The following NOVA1 variants were observed in gnomAD, a reference collection of about 807,000 sequenced individuals.
NOVA1 encodes the protein NOVA alternative splicing regulator 1, also known as RNA-binding protein Nova-1.
Under a neutral mutation model 38.0 loss-of-function variants are expected in NOVA1, and 7 were observed. The observed-to-expected ratio is 0.18, with a 90% CI of 0.10 to 0.35. The LOEUF is 0.35. NOVA1 is among the 10% of genes least tolerant of loss of function. The pLI, the probability that NOVA1 is intolerant of heterozygous loss-of-function variation, is 1.00. For synonymous variants in NOVA1, 270 were observed against 232.5 expected (o/e 1.16, Z -1.47); for missense variants, 460 against 616.0 (o/e 0.75, Z 2.68).
chr14:26,527,740 G>C (rs1889406203), intron 2 of NOVA1, among the ~76,000 whole-genome samples: 1 of 152,154 alleles, frequency 6.6e-6, no homozygotes, highest in Non-Finnish European at 1.5e-5. Context: ...ACACAGTAGA[G>C]AGGCCATACT....
At position 26,447,780 on chromosome 14, in the gene NOVA1, C is replaced by A. The variant is rs1882198504; in HGVS notation, c.*179G>T. 3.3e-6 allele frequency: 2 copies of A among 612,328 alleles called. No individual in the cohort carries two copies. The highest frequency in any genetic ancestry group is 5.9e-5 in the Admixed American group (2 of 33,644). 37.9% of individuals were successfully genotyped at this position (612,328 alleles called of 1,614,324 possible). ...AAAACAGATCAAGAAAAAATTCTTT[C>A]TATGAAACATCTGGTAAAACACATA... On this transcript the variant is annotated 3_prime_UTR_variant, in exon 5 of 5. Coordinates refer to ENST00000539517, the MANE Select transcript of NOVA1 (RefSeq NM_002515.3).
At chr14:26,488,537 T>G (rs962429180) in intron 2 of NOVA1, among the ~76,000 whole-genome samples, 6 of 152,168 alleles carry the variant, frequency 3.9e-5, no homozygotes, top group African/African-American at 1.4e-4. Flanking sequence ...TCAAATATAT[T>G]GCAATTTATT....
At chr14:26,539,935 A>ATGGC (rs1376676412) in intron 2 of NOVA1, among the ~76,000 whole-genome samples, 2 of 152,040 alleles carry the variant, frequency 1.3e-5, no homozygotes, top group African/African-American at 4.8e-5. Flanking sequence ...CTGCAGAGTT[A>ATGGC]CTCCTCTTAG....
At chr14:26,564,951 T>C (rs998888784) in intron 2 of NOVA1, among the ~76,000 whole-genome samples, 1 of 152,174 alleles carries the variant, frequency 6.6e-6, no homozygotes, top group African/African-American at 2.4e-5. Flanking sequence ...TCTTAAAATG[T>C]AATGAATACA....
chr14:26,453,717 G>A (rs1312266932), intron 4 of NOVA1, among the ~76,000 whole-genome samples: 1 of 151,956 alleles, frequency 6.6e-6, no homozygotes. Context: ...ACTACCTATA[G>A]GCATCATATT....
intron 2 of NOVA1, among the ~76,000 whole-genome samples, chr14:26,530,960 G>A (rs1346494111): frequency 6.6e-6 from 1 of 152,130 alleles, no homozygotes; most frequent in Admixed American, 6.5e-5. Flanking sequence ...TATTTTGCAT[G>A]TGACAAGTAC....
chr14:26,574,009 A>G (rs1892651998), intron 2 of NOVA1, among the ~76,000 whole-genome samples: 1 of 151,142 alleles, frequency 6.6e-6, no homozygotes, highest in Non-Finnish European at 1.5e-5. Flanking sequence ...CAGCTCAAGA[A>G]AGCAAAGATT....
chr14:26,589,298 C>A (rs1036456397), intron 2 of NOVA1, among the ~76,000 whole-genome samples: 1 of 151,590 alleles, frequency 6.6e-6, no homozygotes, highest in East Asian at 1.9e-4. Flanking sequence ...TATTAGAACA[C>A]ACAAGAAACT....
Position 26,585,559 on chromosome 14 carries a change from G to A in NOVA1, c.280+9851C>T, listed in dbSNP as rs901285124. ...ATGGTTAGTACTCAAGAAAAATCAT[G>A]ATTGGTCTTTTTCCTTACTGAACAT... On this transcript the variant is annotated intron_variant, in intron 2 of 4. Coordinates refer to ENST00000539517, the MANE Select transcript of NOVA1 (RefSeq NM_002515.3). 4.6e-5 allele frequency among the ~76,000 whole-genome samples: 7 copies of A among 151,186 alleles called. No homozygotes were observed. In the Admixed American group the frequency reaches 4.6e-4, roughly 10 times the overall value.
intron 4 of NOVA1, among the ~76,000 whole-genome samples, chr14:26,461,584 T>C (rs1883675634): frequency 6.6e-6 from 1 of 151,962 alleles, no homozygotes; most frequent in Admixed American, 6.6e-5. Context: ...GAAGCACTTA[T>C]TTAATCATAT....
At chr14:26,518,298 A>C (rs190559822) in intron 2 of NOVA1, among the ~76,000 whole-genome samples, 1 of 152,048 alleles carries the variant, frequency 6.6e-6, no homozygotes, top group Admixed American at 6.6e-5. Context: ...ATGTTATCTA[A>C]GTTTTCTGTA....
intron 2 of NOVA1, among the ~76,000 whole-genome samples, chr14:26,494,867 A>C (rs1886637896): frequency 6.6e-6 from 1 of 152,172 alleles, no homozygotes; most frequent in South Asian, 2.1e-4. Context: ...CTCTCAGAAT[A>C]ATAGTTTGAA....
At chr14:26,575,958 G>T (rs1892813270) in intron 2 of NOVA1, among the ~76,000 whole-genome samples, 1 of 151,856 alleles carries the variant, frequency 6.6e-6, no homozygotes, top group East Asian at 1.9e-4. Context: ...AATTTTTATG[G>T]AGACTAAAAT....
At chr14:26,530,873 C>G (rs1889663269) in intron 2 of NOVA1, among the ~76,000 whole-genome samples, 1 of 151,992 alleles carries the variant, frequency 6.6e-6, no homozygotes. Flanking sequence ...GGCAAGAATC[C>G]TAAATATAAT....
chr14:26,473,253 A>T (rs1884728602), intron 3 of NOVA1, among the ~76,000 whole-genome samples: 1 of 151,616 alleles, frequency 6.6e-6, no homozygotes, highest in African/African-American at 2.4e-5. Flanking sequence ...ACAATTCATT[A>T]AGATTTTTAA....
intron 2 of NOVA1, among the ~76,000 whole-genome samples, chr14:26,574,126 A>G (rs1450779596): frequency 6.6e-6 from 1 of 151,034 alleles, no homozygotes; most frequent in Non-Finnish European, 1.5e-5. Flanking sequence ...ACTGGGCTCA[A>G]GCGATTCTCC....
intron 2 of NOVA1, among the ~76,000 whole-genome samples, chr14:26,507,428 C>T (rs1053308819): frequency 6.6e-6 from 1 of 152,170 alleles, no homozygotes; most frequent in African/African-American, 2.4e-5. Flanking sequence ...TGTGGCCAAA[C>T]AAATCCATCC....
At chr14:26,592,235 T>A (rs949245943) in intron 2 of NOVA1, among the ~76,000 whole-genome samples, 5 of 151,508 alleles carry the variant, frequency 3.3e-5, no homozygotes, top group Admixed American at 3.3e-4. Flanking sequence ...AACATATCCT[T>A]ATGCCAAATA....
At chr14:26,469,283 T>C (rs1884401777) in intron 4 of NOVA1, among the ~76,000 whole-genome samples, 1 of 152,158 alleles carries the variant, frequency 6.6e-6, no homozygotes, top group South Asian at 2.1e-4. Flanking sequence ...TGAGTATTCT[T>C]ACTAGAAAAT....
Sources: allele counts gnomAD v4.1 joint callset (sites outside exome capture counted in the v4.1 genomes callset), GRCh38; gene constraint gnomAD v4.1.1; transcripts MANE v1.5; gene names NCBI Gene and HGNC (gene_info 2026-07-23, HGNC 2026-07-21).